The following ARIH1 variants were observed in gnomAD, a reference collection of about 807,000 sequenced individuals.
ARIH1 encodes ariadne RBR E3 ubiquitin protein ligase 1.
In ARIH1, 8 loss-of-function variants were observed where a neutral mutation model predicts 85.0. The observed-to-expected ratio is 0.09, with a 90% confidence interval of 0.06 to 0.17. ARIH1 has a LOEUF of 0.17. Ranked by LOEUF, ARIH1 falls within the 10% of genes least tolerant of loss-of-function variation. ARIH1 has a pLI of 1.00. For synonymous variants in ARIH1, 238 were observed against 253.6 expected (o/e 0.94, Z 0.59); for missense variants, 311 against 718.1 (o/e 0.43, Z 6.48).
chr15:72,570,956 C>T (rs1479086043), intron 10 of ARIH1, among the ~76,000 whole-genome samples: 2 of 151,632 alleles, frequency 1.3e-5, no homozygotes, highest in Admixed American at 6.6e-5. Flanking sequence ...ATGGAGAAAC[C>T]CCGTCTCTAC....
intron 2 of ARIH1, among the ~76,000 whole-genome samples, chr15:72,541,388 TA>T (rs1297861351): frequency 1.3e-5 from 2 of 152,140 alleles, no homozygotes; most frequent in African/African-American, 4.8e-5. Flanking sequence ...GTTATAAAAC[TA>T]TTGAGAGACT....
rs776725292 is a variant in ARIH1, at chr15:72,474,392, G to A, written c.-248G>A. On this transcript the variant is annotated 5_prime_UTR_variant, in exon 1 of 14. Coordinates refer to ENST00000379887, the MANE Select transcript of ARIH1 (RefSeq NM_005744.5). The stretch of plus-strand genomic sequence containing the variant: ...ACTGTTTTCTCTCGGAGGCCGGAGC[G>A]GAGCCGCGTCTGACTGAGGCGGGCA... 19 of 519,610 alleles carry A rather than the reference G, an allele frequency of 3.7e-5. No individual in the cohort carries two copies. Among genetic ancestry groups the A allele is most frequent in the African/African-American group, 2.1e-5 (1 of 48,596 alleles). 32.2% of individuals were successfully genotyped at this position (519,610 alleles called of 1,614,324 possible).
At chr15:72,475,125 G>C (rs1465486129) in intron 1 of ARIH1, 111 bp downstream of exon 1, 1 of 1,448,594 alleles carries the variant, frequency 6.9e-7, no homozygotes, top group East Asian at 2.9e-5. Context: ...CTAGCCCGGT[G>C]CCTCCCGGCC....
At chr15:72,479,879 T>A (rs1416989945) in intron 1 of ARIH1, among the ~76,000 whole-genome samples, 1 of 152,094 alleles carries the variant, frequency 6.6e-6, no homozygotes. Context: ...TTTTTTTTTT[T>A]TCGTTTGAGA....
chr15:72,544,530 C>T (rs2064120579), intron 2 of ARIH1, among the ~76,000 whole-genome samples: 1 of 151,812 alleles, frequency 6.6e-6, no homozygotes. Flanking sequence ...GGCAGCAAAA[C>T]TCAGTCTACT....
chr15:72,554,960 C>T (rs1394615293), intron 3 of ARIH1, among the ~76,000 whole-genome samples: 1 of 152,076 alleles, frequency 6.6e-6, no homozygotes, highest in African/African-American at 2.4e-5. Flanking sequence ...GCCATGTTGC[C>T]CCGCCTTCAT....
At chr15:72,529,596 A>C (rs1992160) in intron 2 of ARIH1, among the ~76,000 whole-genome samples, 140,374 of 152,244 alleles carry the variant, frequency 0.92, 65,785 homozygotes, top group East Asian at 1. Context: ...ACAATAGACC[A>C]CCATGGTACG....
chr15:72,518,670 TC>T (rs1343536718), intron 2 of ARIH1, among the ~76,000 whole-genome samples: 1 of 151,548 alleles, frequency 6.6e-6, no homozygotes. Flanking sequence ...TGCCTGTAGT[TC>T]CAGCTACTCA....
intron 2 of ARIH1, among the ~76,000 whole-genome samples, chr15:72,539,435 AG>A (rs2064096834): frequency 1.3e-5 from 2 of 152,200 alleles, no homozygotes; most frequent in Non-Finnish European, 2.9e-5. Context: ...GAAGGTGAAA[AG>A]GGAACTGACA....
intron 1 of ARIH1, among the ~76,000 whole-genome samples, chr15:72,487,284 A>G (rs542473328): frequency 6.6e-6 from 1 of 152,274 alleles, no homozygotes; most frequent in African/African-American, 2.4e-5. Flanking sequence ...ACTTCTCCCC[A>G]GGCTTGCTTT....
intron 12 of ARIH1, 118 bp downstream of exon 12, chr15:72,581,109 G>A (rs924566263): frequency 1.5e-5 from 16 of 1,055,300 alleles, no homozygotes; most frequent in Non-Finnish European, 2.2e-5. Context: ...GTAGGTAGAC[G>A]AATGTATTTA....
At chr15:72,480,803 G>A (rs2063813614) in intron 1 of ARIH1, among the ~76,000 whole-genome samples, 1 of 152,178 alleles carries the variant, frequency 6.6e-6, no homozygotes, top group Non-Finnish European at 1.5e-5. Context: ...GACCTCAGGT[G>A]ATCTGCCCGC....
chr15:72,514,333 C>G (rs2063964813), intron 1 of ARIH1, among the ~76,000 whole-genome samples: 1 of 152,178 alleles, frequency 6.6e-6, no homozygotes, highest in African/African-American at 2.4e-5. Context: ...AGTTCACTGA[C>G]TCTTCTGTCA....
At chr15:72,530,158 G>A (rs1440845212) in intron 2 of ARIH1, among the ~76,000 whole-genome samples, 4 of 152,274 alleles carry the variant, frequency 2.6e-5, no homozygotes, top group African/African-American at 7.2e-5. Context: ...AATTTTGACC[G>A]TTCCTTTCAC....
At chr15:72,555,419 C>T (rs985779037) in intron 4 of ARIH1, 56 bp downstream of exon 4, 3 of 1,284,556 alleles carry the variant, frequency 2.3e-6, no homozygotes, top group Non-Finnish European at 2.2e-6. Flanking sequence ...GTGTTAAGAC[C>T]CTTGCACAAA....
intron 1 of ARIH1, among the ~76,000 whole-genome samples, chr15:72,503,155 T>C (rs2140402633): frequency 6.6e-6 from 1 of 152,366 alleles, no homozygotes; most frequent in South Asian, 2.1e-4. Context: ...AGATATAAAA[T>C]AGTTGTGACA....
Position 72,590,712 on chromosome 15 carries a change from AC to A in ARIH1, c.*7422del, listed in dbSNP as rs2064339396. 3 of 152,230 alleles carry A rather than the reference AC, an allele frequency of 2.0e-5. No individual in the cohort carries two copies. The South Asian group carries it at 6.2e-4, about 32-fold the overall frequency. The allele number at this position is 152,230 out of a possible 1,614,324, so 9.4% of individuals were successfully genotyped here. A position where few individuals can be genotyped will look rare whatever the true frequency, so the allele number is the denominator to read the frequency against. ...TCTTCCTGCCACAGCCTCCTGAGTA[AC>A]CTAGGACTATAGGTGCATGCCACCA... On this transcript the variant is annotated 3_prime_UTR_variant, in exon 14 of 14. Transcript: ENST00000379887.
chr15:72,517,535 G>A (rs1325911213), intron 1 of ARIH1, among the ~76,000 whole-genome samples: 1 of 151,466 alleles, frequency 6.6e-6, no homozygotes. Flanking sequence ...GGTGATTCTC[G>A]TGCCTCAGCC....
At chr15:72,509,499 T>G (rs182121690) in intron 1 of ARIH1, among the ~76,000 whole-genome samples, 2 of 152,306 alleles carry the variant, frequency 1.3e-5, no homozygotes, top group East Asian at 3.9e-4. Context: ...CAAATTTCTT[T>G]CTACCCCATT....
Sources: allele counts gnomAD v4.1 joint callset (sites outside exome capture counted in the v4.1 genomes callset), GRCh38; gene constraint gnomAD v4.1.1; transcripts MANE v1.5; gene names NCBI Gene and HGNC (gene_info 2026-07-23, HGNC 2026-07-21).